The following KPNA3 variants were observed in gnomAD, a reference collection of about 807,000 sequenced individuals.
KPNA3 encodes karyopherin subunit alpha 3.
KPNA3 carries 13 observed loss-of-function variants against 73.8 expected under a neutral mutation model. The observed-to-expected ratio is 0.18, with a 90% CI of 0.11 to 0.28. KPNA3 has a LOEUF of 0.28. Ranked by LOEUF, KPNA3 falls within the 10% of genes least tolerant of loss-of-function variation. The pLI, the probability that KPNA3 is intolerant of heterozygous loss-of-function variation, is 1.00. For missense variants in KPNA3, 360 were observed against 618.1 expected (o/e 0.58, Z 4.43); for synonymous variants, 186 against 206.9 (o/e 0.90, Z 0.87).
intron 1 of KPNA3, among the ~76,000 whole-genome samples, chr13:49,783,196 G>C (rs1012850633): frequency 2.6e-5 from 4 of 151,960 alleles, no homozygotes; most frequent in African/African-American, 9.7e-5. Flanking sequence ...TTTAAGGCAA[G>C]TGTCAAAATA....
intron 6 of KPNA3, among the ~76,000 whole-genome samples, chr13:49,730,293 G>A (rs1440924240): frequency 2.0e-5 from 3 of 152,062 alleles, no homozygotes; most frequent in East Asian, 3.9e-4. Flanking sequence ...TGCACTTTGG[G>A]AGGCTAAGGC....
Position 49,746,976 on chromosome 13 carries a change from T to G in KPNA3, c.87A>C (p.Arg29Ser). ...GRDVETMRRH[R>S]NEVTVELRKN... ...TCCGCAGTTCCACTGTCACTTCATT[T>G]CTATGTCTTCGCATTGTCTAGAAAA... Residue 29 changes from arginine (R) to serine (S), a missense_variant, in exon 2 of 17, where the codon AGA (arginine) becomes AGC (serine). Transcript: ENST00000261667. 1 of 1,609,850 alleles carries G rather than the reference T, an allele frequency of 6.2e-7. No homozygotes were observed. Among genetic ancestry groups the G allele is most frequent in the Non-Finnish European group, 8.5e-7 (1 of 1,176,552 alleles).
At chr13:49,721,893 G>A in intron 9 of KPNA3, 62 bp downstream of exon 9, 1 of 1,156,714 alleles carries the variant, frequency 8.6e-7, no homozygotes, top group Non-Finnish European at 1.2e-6. Flanking sequence ...CCCTGTATAT[G>A]AATTCCTGAA....
chr13:49,768,002 T>C (rs567284568), intron 1 of KPNA3, among the ~76,000 whole-genome samples: 1 of 152,246 alleles, frequency 6.6e-6, no homozygotes, highest in African/African-American at 2.4e-5. Context: ...ACTGTGTCTT[T>C]GTATTTAAAA....
chr13:49,733,053 G>A lies in KPNA3; in HGVS notation c.115-7C>T, dbSNP rs374931785. 18 of 1,572,180 alleles carry A rather than the reference G, an allele frequency of 1.1e-5. No individual in the cohort carries two copies. The highest frequency in any genetic ancestry group is 1.4e-5 in the Non-Finnish European group (16 of 1,144,486). ...AGTGTTCATCTCTTTTGTTCTGAAA[G>A]GCAACCAATAAATGCTTAAGAAGTC... is the stretch of plus-strand genomic sequence containing the variant. On this transcript the variant is annotated splice_polypyrimidine_tract_variant and splice_region_variant and intron_variant, in intron 2 of 16. Transcript: ENST00000261667.
chr13:49,729,892 T>C (rs1954445951), intron 6 of KPNA3, among the ~76,000 whole-genome samples: 4 of 152,244 alleles, frequency 2.6e-5, no homozygotes, highest in South Asian at 2.1e-4. Flanking sequence ...CTAATTTTTA[T>C]AGATGAGATA....
At chr13:49,733,562 T>A (rs55663701) in intron 2 of KPNA3, among the ~76,000 whole-genome samples, 100 of 152,308 alleles carry the variant, frequency 6.6e-4, no homozygotes, top group African/African-American at 2.3e-3. Context: ...GTGCTGGGAT[T>A]ACAAGCGTGA....
intron 10 of KPNA3, among the ~76,000 whole-genome samples, chr13:49,717,574 A>G (rs758371076): frequency 6.6e-6 from 1 of 152,200 alleles, no homozygotes; most frequent in Non-Finnish European, 1.5e-5. Context: ...TGTTCTTGAA[A>G]TGACTTTCTC....
At chr13:49,707,850 CAG>C (rs1954222216) in intron 12 of KPNA3, among the ~76,000 whole-genome samples, 1 of 152,122 alleles carries the variant, frequency 6.6e-6, no homozygotes, top group African/African-American at 2.4e-5. Flanking sequence ...AAGAACCCAA[CAG>C]TCAAATTATA....
At chr13:49,754,004 CTGAG>C (rs1954689153) in intron 1 of KPNA3, among the ~76,000 whole-genome samples, 1 of 152,112 alleles carries the variant, frequency 6.6e-6, no homozygotes. Context: ...ATATGAAATA[CTGAG>C]TAAGTGGGCC....
chr13:49,735,550 T>C (rs550527822), intron 2 of KPNA3, among the ~76,000 whole-genome samples: 1 of 152,186 alleles, frequency 6.6e-6, no homozygotes, highest in Non-Finnish European at 1.5e-5. Flanking sequence ...CTAGAGATTT[T>C]TACCCTCCTG....
intron 1 of KPNA3, among the ~76,000 whole-genome samples, chr13:49,761,477 G>A (rs1488482047): frequency 2.6e-5 from 4 of 152,284 alleles, no homozygotes; most frequent in Non-Finnish European, 1.5e-5. Context: ...CTAACCGCGA[G>A]TGATCTGCCA....
intron 6 of KPNA3, among the ~76,000 whole-genome samples, chr13:49,730,720 T>C (rs1481288337): frequency 6.7e-6 from 1 of 149,424 alleles, no homozygotes; most frequent in Non-Finnish European, 1.5e-5. Flanking sequence ...CTGCACCCAT[T>C]AACTCGTCAT....
intron 1 of KPNA3, among the ~76,000 whole-genome samples, chr13:49,762,020 A>G (rs1566354842): frequency 6.6e-6 from 1 of 150,490 alleles, no homozygotes; most frequent in Non-Finnish European, 1.5e-5. Context: ...CCCGTCTGTG[A>G]AGTGAGGAGC....
In KPNA3 at chr13:49,748,190, T is replaced by A. The variant is rs548221592; in HGVS notation, c.70-1197A>T. Among the ~76,000 whole-genome samples the A allele has an allele frequency of 1.6e-4, 24 of 152,318 alleles. No homozygotes were observed. In the South Asian group the frequency reaches 3.7e-3, roughly 24 times the overall value. On this transcript the variant is annotated intron_variant, in intron 1 of 16. Transcript: ENST00000261667. Reference sequence around the variant, plus strand: ...TAAGTCAGCCAGGGATGGTTTCTGATGTCTGCAATCAATGAATTATATCTC... The same window carrying A: ...TAAGTCAGCCAGGGATGGTTTCTGAAGTCTGCAATCAATGAATTATATCTC...
At chr13:49,714,355 G>A (rs1954286787) in intron 10 of KPNA3, among the ~76,000 whole-genome samples, 1 of 151,502 alleles carries the variant, frequency 6.6e-6, no homozygotes. Context: ...GAGCAGGGAG[G>A]GGGCACAAAT....
intron 12 of KPNA3, 43 bp from the exon 13 acceptor site, chr13:49,706,415 A>G (rs1954208020): frequency 7.8e-7 from 1 of 1,278,646 alleles, no homozygotes; most frequent in South Asian, 1.2e-5. Context: ...TTGAAAAATA[A>G]TACCTTTAAT....
At chr13:49,754,328 A>G (rs2137575903) in intron 1 of KPNA3, among the ~76,000 whole-genome samples, 1 of 152,162 alleles carries the variant, frequency 6.6e-6, no homozygotes, top group Middle Eastern at 3.4e-3. Flanking sequence ...AAAAACAACT[A>G]AGTGTATTGA....
intron 1 of KPNA3, among the ~76,000 whole-genome samples, chr13:49,769,134 T>C (rs952665634): frequency 6.6e-6 from 1 of 151,244 alleles, no homozygotes; most frequent in Admixed American, 6.6e-5. Flanking sequence ...ATCATTGTTA[T>C]CTATAGGAAG....
Sources: gnomAD v4.1 joint callset for allele counts (sites outside exome capture counted in the v4.1 genomes callset) on GRCh38, gnomAD v4.1.1 for gene constraint, MANE v1.5 for transcripts, NCBI Gene and HGNC (gene_info 2026-07-23, HGNC 2026-07-21) for gene names.